Variants in AOPEP observed in about 807,000 individuals in gnomAD.
AOPEP encodes aminopeptidase O.
In AOPEP, 77 loss-of-function variants were observed where a neutral mutation model predicts 98.1. The observed-to-expected ratio is 0.78, with a 90% CI of 0.65 to 0.95. AOPEP has a LOEUF of 0.95. AOPEP is among the 40% of genes least tolerant of loss of function. The pLI is 0.00. For synonymous variants in AOPEP, 346 were observed against 365.3 expected, an observed-to-expected ratio of 0.95 and a Z score of 0.60; for missense variants, 1,024 against 1,024.7, an observed-to-expected ratio of 1.00 and a Z score of 0.01.
At chr9:95,002,295 G>A (rs1249526043) in intron 11 of AOPEP, among the ~76,000 whole-genome samples, 1 of 151,428 alleles carries the variant, frequency 6.6e-6, no homozygotes, top group Non-Finnish European at 1.5e-5. Context: ...CATATTTATT[G>A]AATTTCTAGT....
chr9:95,136,107 A>C, the AOPEP span, among the ~76,000 whole-genome samples: 1 of 152,224 alleles, frequency 6.6e-6, no homozygotes, highest in Admixed American at 6.5e-5. Context: ...TAACAATTTC[A>C]AGGCCAGATG....
intron 9 of AOPEP, among the ~76,000 whole-genome samples, chr9:94,964,727 C>T (rs973599669): frequency 2.6e-5 from 4 of 151,200 alleles, no homozygotes; most frequent in African/African-American, 9.7e-5. Context: ...GCAACCTCCG[C>T]CTCCCAGGTT....
chr9:94,778,268 C>G (rs539644211), intron 3 of AOPEP, among the ~76,000 whole-genome samples: 2 of 152,086 alleles, frequency 1.3e-5, no homozygotes, highest in Non-Finnish European at 2.9e-5. Context: ...TATATTTACA[C>G]GATCTAGCAA....
intron 5 of AOPEP, among the ~76,000 whole-genome samples, chr9:94,878,936 A>G (rs1011923870): frequency 5.3e-5 from 8 of 152,216 alleles, no homozygotes; most frequent in African/African-American, 1.9e-4. Flanking sequence ...TATTACTCAA[A>G]TCAGTTTCCT....
intron 5 of AOPEP, among the ~76,000 whole-genome samples, chr9:94,881,958 C>T (rs1226886398): frequency 6.6e-6 from 1 of 152,116 alleles, no homozygotes; most frequent in Non-Finnish European, 1.5e-5. Context: ...TCCACAGGTC[C>T]CAGTATCATG....
the AOPEP span, among the ~76,000 whole-genome samples, chr9:95,096,713 C>T: frequency 1.3e-5 from 2 of 152,176 alleles, no homozygotes; most frequent in Admixed American, 1.3e-4. Flanking sequence ...GAGAGCTGGC[C>T]GCTGGCTGCA....
intron 5 of AOPEP, among the ~76,000 whole-genome samples, chr9:94,878,417 G>A (rs1189992533): frequency 1.3e-5 from 2 of 151,278 alleles, no homozygotes; most frequent in Non-Finnish European, 2.9e-5. Flanking sequence ...TTCCAACAGG[G>A]TTCAAGGGCA....
rs1289446561 is a variant in AOPEP at position 95,060,702 on chromosome 9, A to G, written c.2124A>G (p.Pro708=). 8.1e-6 allele frequency: 13 copies of G among 1,612,554 alleles called. No individual in the cohort carries two copies. Among genetic ancestry groups the G allele is most frequent in the East Asian group, 6.7e-5 (3 of 44,886 alleles). ...TTTGGTTTTGTCTTTAGCTTCTTCC[A>G]GACCAGCTGGTCTTGCTTCTGGAGC... The part of the protein sequence containing the change: ...EKEEVFEKLL[P]DQLVLLLEHL... Residue 708 remains proline (P), a synonymous_variant, in exon 14 of 17, where the codon CCA becomes CCG. Transcript: ENST00000375315.
chr9:94,732,857 GGCAGATA>G (rs1365898363), intron 1 of AOPEP, among the ~76,000 whole-genome samples: 1 of 152,142 alleles, frequency 6.6e-6, no homozygotes, highest in African/African-American at 2.4e-5. Flanking sequence ...GCTCTCTAGT[GGCAGATA>G]GCACAGATCT....
Position 95,007,404 on chromosome 9 carries a change from T to G in AOPEP, c.2115+1788T>G, listed in dbSNP as rs144097905. The stretch of plus-strand genomic sequence containing the variant: ...GGGAGAAAGTGGGGGGGGGACTGAT[T>G]ATTTTACCTTGCAGGAGAATGAAGT... On this transcript the variant is annotated intron_variant, in intron 13 of 16. Coordinates refer to ENST00000375315, the MANE Select transcript of AOPEP (RefSeq NM_001193329.3). 1.5e-3 allele frequency among the ~76,000 whole-genome samples: 223 copies of G among 151,796 alleles called. 2 individuals are homozygous for G. The highest frequency in any genetic ancestry group is 5.2e-3 in the African/African-American group (216 of 41,410).
chr9:94,995,891 C>G (rs1363557855), intron 11 of AOPEP, among the ~76,000 whole-genome samples: 2 of 152,106 alleles, frequency 1.3e-5, no homozygotes, highest in African/African-American at 4.8e-5. Context: ...GTGTTATGTA[C>G]AGAATGGCTG....
At chr9:94,885,008 CAAAA>C (rs59763820) in intron 5 of AOPEP, among the ~76,000 whole-genome samples, 4 of 113,710 alleles carry the variant, frequency 3.5e-5, no homozygotes, top group Admixed American at 8.9e-5. Context: ...GACTCCGTCT[CAAAA>C]AAAAAAAAAA....
intron 1 of AOPEP, among the ~76,000 whole-genome samples, chr9:94,739,994 A>C (rs1171601178): frequency 1.3e-5 from 2 of 152,198 alleles, no homozygotes; most frequent in Non-Finnish European, 2.9e-5. Flanking sequence ...AGACACAGAA[A>C]CAAGCTGCTT....
intron 5 of AOPEP, among the ~76,000 whole-genome samples, chr9:94,828,953 C>G (rs1855301168): frequency 6.6e-6 from 1 of 151,854 alleles, no homozygotes; most frequent in East Asian, 1.9e-4. Flanking sequence ...ACTGCAACCT[C>G]TGCCTCCCGG....
At chr9:94,981,399 G>A (rs1373081785) in intron 11 of AOPEP, among the ~76,000 whole-genome samples, 1 of 152,164 alleles carries the variant, frequency 6.6e-6, no homozygotes, top group African/African-American at 2.4e-5. Context: ...AGGCCAACCG[G>A]CTATAAATTG....
chr9:94,777,868 C>T (rs1315897842), intron 3 of AOPEP, among the ~76,000 whole-genome samples: 2 of 152,000 alleles, frequency 1.3e-5, no homozygotes, highest in African/African-American at 2.4e-5. Flanking sequence ...CAGTGATCCA[C>T]CTGCCTCGGC....
chr9:94,800,564 T>C (rs1477328944), intron 4 of AOPEP, among the ~76,000 whole-genome samples, 193 bp from the exon 5 acceptor site: 2 of 152,216 alleles, frequency 1.3e-5, no homozygotes, highest in African/African-American at 4.8e-5. Context: ...TTCAAACACA[T>C]GAATACGTTT....
chr9:95,105,787 G>A, the AOPEP span, among the ~76,000 whole-genome samples: 2 of 152,232 alleles, frequency 1.3e-5, no homozygotes, highest in South Asian at 2.1e-4. Context: ...GTTCATTCAT[G>A]TTGTAGCACT....
intron 3 of AOPEP, among the ~76,000 whole-genome samples, chr9:94,784,527 A>G (rs1394317967): frequency 2.0e-5 from 3 of 152,214 alleles, no homozygotes. Flanking sequence ...TTCACAGGAC[A>G]GTTTTTAGAA....
Sources: allele counts gnomAD v4.1 joint callset (sites outside exome capture counted in the v4.1 genomes callset), GRCh38; gene constraint gnomAD v4.1.1; transcripts MANE v1.5; gene names NCBI Gene and HGNC (gene_info 2026-07-23, HGNC 2026-07-21).